TMEM182: variants seen among roughly 807,000 people sequenced by gnomAD.
TMEM182 encodes transmembrane protein 182.
Under a neutral mutation model 26.8 loss-of-function variants are expected in TMEM182, and 20 were observed. The observed-to-expected ratio is 0.75, with a 90% confidence interval of 0.53 to 1.09. The LOEUF is 1.09. TMEM182 is among the 50% of genes least tolerant of loss of function. The pLI is 0.00. For synonymous variants in TMEM182, 109 were observed against 102.2 expected (o/e 1.07, Z -0.40); for missense variants, 277 against 275.5 (o/e 1.01, Z -0.04).
At chr2:102,764,690 T>C (rs1275568257) in intron 3 of TMEM182, among the ~76,000 whole-genome samples, 2 of 152,128 alleles carry the variant, frequency 1.3e-5, no homozygotes, top group African/African-American at 4.8e-5. Context: ...CATATGAAGA[T>C]AGTAATATTT....
chr2:102,765,548 C>G (rs1680397650), intron 3 of TMEM182, among the ~76,000 whole-genome samples: 1 of 152,170 alleles, frequency 6.6e-6, no homozygotes, highest in African/African-American at 2.4e-5. Flanking sequence ...ATAATCCAAC[C>G]TAGTGGATAT....
At chr2:102,769,407 G>C (rs1343805789) in intron 3 of TMEM182, among the ~76,000 whole-genome samples, 1 of 152,108 alleles carries the variant, frequency 6.6e-6, no homozygotes, top group Non-Finnish European at 1.5e-5. Context: ...TTTCAAATAG[G>C]TGTAATTCAG....
Position 102,815,150 on chromosome 2 carries a change from C to T in TMEM182, c.*182C>T. 1 of 1,418,042 alleles carries T rather than the reference C, an allele frequency of 7.1e-7. No homozygotes were observed. The highest frequency in any genetic ancestry group is 2.6e-5 in the East Asian group (1 of 38,406). 87.8% of individuals were successfully genotyped at this position (1,418,042 alleles called of 1,614,324 possible). A position where few individuals can be genotyped will look rare whatever the true frequency, so the allele number is the denominator to read the frequency against. Reference sequence around the variant, plus strand: ...GTCCTAGAATCTCTCCAGACACCAGCAAGCCTCTATCTTGTCTAAGTGCTG... The same window carrying T: ...GTCCTAGAATCTCTCCAGACACCAGTAAGCCTCTATCTTGTCTAAGTGCTG... On this transcript the variant is annotated 3_prime_UTR_variant, in exon 5 of 5. Transcript: ENST00000412401.
At chr2:102,830,546 T>G (rs115787222) in intron 3 of TMEM182, among the ~76,000 whole-genome samples, 2,075 of 152,288 alleles carry the variant, frequency 0.014, 47 homozygotes, top group African/African-American at 0.047. Flanking sequence ...ATGTATTTAT[T>G]TATGTATTTA....
intron 3 of TMEM182, among the ~76,000 whole-genome samples, chr2:102,770,142 C>G (rs189408222): frequency 3.4e-4 from 51 of 152,048 alleles, no homozygotes; most frequent in Non-Finnish European, 7.1e-4. Flanking sequence ...GAAAGACAGC[C>G]CACAAATGAG....
intron 1 of TMEM182, among the ~76,000 whole-genome samples, chr2:102,741,415 A>C (rs1417136702): frequency 1.3e-5 from 2 of 152,230 alleles, no homozygotes; most frequent in African/African-American, 2.4e-5. Flanking sequence ...AGCAGAAGGA[A>C]AAGAAAAGTA....
chr2:102,791,294 G>A (rs564597883), intron 3 of TMEM182, among the ~76,000 whole-genome samples: 3 of 152,124 alleles, frequency 2.0e-5, no homozygotes, highest in Non-Finnish European at 2.9e-5. Context: ...AAAATATTAT[G>A]TATAAAGGGA....
intron 3 of TMEM182, among the ~76,000 whole-genome samples, chr2:102,795,810 G>A (rs1326262064): frequency 1.3e-5 from 2 of 152,114 alleles, no homozygotes; most frequent in East Asian, 3.9e-4. Flanking sequence ...GGCCAGAAAG[G>A]TTGAATTCTG....
At chr2:102,811,686 A>G (rs1057413562) in intron 4 of TMEM182, among the ~76,000 whole-genome samples, 5 of 152,116 alleles carry the variant, frequency 3.3e-5, no homozygotes, top group Admixed American at 2.0e-4. Context: ...ATTTTATTCA[A>G]TGGGAAATAA....
chr2:102,762,653 G>A lies in TMEM182; in HGVS notation c.199G>A (p.Glu67Lys), dbSNP rs780818921. The A allele has an allele frequency of 1.9e-6, 3 of 1,613,790 alleles. No individual in the cohort carries two copies. The highest frequency in any genetic ancestry group is 1.1e-5 in the South Asian group (1 of 91,062). Residue 67 changes from glutamate to lysine, a missense_variant, in exon 2 of 5, where the codon GAG becomes AAG. Transcript: ENST00000412401. ...GTGTTGGTTTAATGGGATTGTGGAA[G>A]AGAATGACTCCAATATTTGGAAGTT... ...WRCWFNGIVEENDSNIWKFWY... is the reference protein window; with the variant it reads ...WRCWFNGIVEKNDSNIWKFWY...
In TMEM182 at chr2:102,815,764, A is replaced by G. The variant is rs1270393456; in HGVS notation, c.*796A>G. Reference sequence around the variant, plus strand: ...AAAACCAAGCATTTCCGCTTGGTCCATAATTCTATTTGATATTTTAAAATT... The same window carrying G: ...AAAACCAAGCATTTCCGCTTGGTCCGTAATTCTATTTGATATTTTAAAATT... On this transcript the variant is annotated 3_prime_UTR_variant, in exon 5 of 5. Coordinates refer to ENST00000412401, the MANE Select transcript of TMEM182 (RefSeq NM_144632.5). 3.2e-6 allele frequency: 3 copies of G among 934,206 alleles called. No homozygotes were observed. The highest frequency in any genetic ancestry group is 3.8e-6 in the Non-Finnish European group (3 of 783,546). 57.9% of individuals were successfully genotyped at this position (934,206 alleles called of 1,614,324 possible).
chr2:102,778,730 T>G (rs1681035427), intron 3 of TMEM182, among the ~76,000 whole-genome samples: 1 of 152,078 alleles, frequency 6.6e-6, no homozygotes. Flanking sequence ...GATGTTGACA[T>G]TTACCAATGT....
At chr2:102,765,463 T>C (rs996723965) in intron 3 of TMEM182, among the ~76,000 whole-genome samples, 1 of 152,128 alleles carries the variant, frequency 6.6e-6, no homozygotes, top group African/African-American at 2.4e-5. Context: ...AGTCAAGGGA[T>C]TATAAAAGCT....
chr2:102,806,537 G>C (rs564533601), intron 4 of TMEM182, among the ~76,000 whole-genome samples: 14 of 152,264 alleles, frequency 9.2e-5, no homozygotes, highest in African/African-American at 3.4e-4. Flanking sequence ...ACACCACAGC[G>C]AGTTTATTCT....
intron 3 of TMEM182, among the ~76,000 whole-genome samples, chr2:102,774,041 G>A (rs1019594537): frequency 6.6e-6 from 1 of 151,888 alleles, no homozygotes; most frequent in African/African-American, 2.4e-5. Flanking sequence ...CAGAAGTAAA[G>A]AGATAAGGAA....
At chr2:102,762,979 G>C (rs1680278554) in intron 2 of TMEM182, among the ~76,000 whole-genome samples, 1 of 152,110 alleles carries the variant, frequency 6.6e-6, no homozygotes, top group African/African-American at 2.4e-5. Context: ...AACAGGACAG[G>C]TATTGTCTAT....
At chr2:102,836,032 A>G (rs1047200438) in intron 3 of TMEM182, among the ~76,000 whole-genome samples, 1 of 152,196 alleles carries the variant, frequency 6.6e-6, no homozygotes, top group African/African-American at 2.4e-5. Flanking sequence ...ACTTGGTAAT[A>G]TGCATTGAAG....
intron 1 of TMEM182, among the ~76,000 whole-genome samples, chr2:102,744,377 C>T (rs1477106980): frequency 6.6e-6 from 1 of 152,018 alleles, no homozygotes; most frequent in East Asian, 1.9e-4. Flanking sequence ...TGTAACTTAT[C>T]AAAATTTGTG....
At position 102,762,626 on chromosome 2, in the gene TMEM182, A is replaced by T; in HGVS notation, c.172A>T (p.Arg58Trp). Residue 58 changes from arginine (R) to tryptophan (W), a missense_variant, in exon 2 of 5, where the codon AGG becomes TGG. Coordinates refer to ENST00000412401, the MANE Select transcript of TMEM182 (RefSeq NM_144632.5). Reference protein sequence around the residue: ...VTFHHEGFFWRCWFNGIVEEN... With the variant: ...VTFHHEGFFWWCWFNGIVEEN... ...TTTTCACCATGAAGGGTTCTTCTGG[A>T]GGTGTTGGTTTAATGGGATTGTGGA... is the stretch of plus-strand genomic sequence containing the variant. 6.2e-7 allele frequency: 1 copy of T among 1,613,882 alleles called. No individual in the cohort carries two copies.
Sources: allele counts gnomAD v4.1 joint callset (sites outside exome capture counted in the v4.1 genomes callset), GRCh38; gene constraint gnomAD v4.1.1; transcripts MANE v1.5; gene names NCBI Gene and HGNC (gene_info 2026-07-23, HGNC 2026-07-21).